The following RMND5A variants were observed in gnomAD, a reference collection of about 807,000 sequenced individuals.
RMND5A encodes E3 ubiquitin-protein transferase RMND5A.
A neutral mutation model predicts 49.7 loss-of-function variants in RMND5A; 17 were observed. The observed-to-expected ratio is 0.34, with a 90% confidence interval of 0.23 to 0.51. RMND5A has a LOEUF of 0.51. Ranked by LOEUF, RMND5A falls within the 20% of genes least tolerant of loss-of-function variation. The pLI, the probability that RMND5A is intolerant of heterozygous loss-of-function variation, is 0.96. For synonymous variants in RMND5A, 156 were observed against 167.7 expected (o/e 0.93, Z 0.54); for missense variants, 255 against 471.3 (o/e 0.54, Z 4.25).
intron 5 of RMND5A, 80 bp from the exon 6 acceptor site, chr2:86,765,779 A>G: frequency 8.2e-7 from 1 of 1,218,294 alleles, no homozygotes; most frequent in Non-Finnish European, 1.2e-6. Context: ...AGGCTGTATC[A>G]GTATGGGTGG....
chr2:86,772,224 C>A lies in RMND5A; in HGVS notation c.1112+512C>A, dbSNP rs190372144. Among the ~76,000 whole-genome samples, 49 of 152,154 alleles carry A rather than the reference C, an allele frequency of 3.2e-4. 1 individual carries two copies. The Middle Eastern group carries it at 0.017, about 53-fold the overall frequency. ...CAGCACTGTGGGAGGCCGAGGCAGG[C>A]GGATCACGAGGTCAGGAGATTGAGA... On this transcript the variant is annotated intron_variant, in intron 8 of 8. Coordinates refer to ENST00000283632, the MANE Select transcript of RMND5A (RefSeq NM_022780.4).
intron 2 of RMND5A, among the ~76,000 whole-genome samples, chr2:86,750,826 A>T (rs1291868164): frequency 1.4e-5 from 2 of 147,884 alleles, no homozygotes; most frequent in Non-Finnish European, 3.0e-5. Flanking sequence ...ATTGATTTTC[A>T]CTGACTTTTT....
At chr2:86,732,415 C>T (rs1681347232) in intron 1 of RMND5A, among the ~76,000 whole-genome samples, 1 of 148,520 alleles carries the variant, frequency 6.7e-6, no homozygotes, top group African/African-American at 2.6e-5. Flanking sequence ...ATATATTTGT[C>T]TAGATTGTAT....
chr2:86,744,122 C>T (rs191206784), intron 2 of RMND5A, among the ~76,000 whole-genome samples: 4 of 152,214 alleles, frequency 2.6e-5, no homozygotes, highest in Admixed American at 6.5e-5. Context: ...ACACTCTCCC[C>T]GTATTTTTGG....
At chr2:86,763,178 T>A (rs1201979381) in intron 4 of RMND5A, among the ~76,000 whole-genome samples, 2 of 119,074 alleles carry the variant, frequency 1.7e-5, no homozygotes, top group Non-Finnish European at 4.0e-5. Flanking sequence ...TTGACTTTTT[T>A]AAAATTAAAA....
At chr2:86,752,500 T>C (rs1216690501) in intron 3 of RMND5A, among the ~76,000 whole-genome samples, 1 of 152,250 alleles carries the variant, frequency 6.6e-6, no homozygotes, top group Non-Finnish European at 1.5e-5. Flanking sequence ...GAGTTAGAAC[T>C]CTACAACAGT....
At chr2:86,772,595 T>C (rs1338884847) in intron 8 of RMND5A, among the ~76,000 whole-genome samples, 2 of 151,394 alleles carry the variant, frequency 1.3e-5, no homozygotes, top group African/African-American at 4.9e-5. Context: ...GTTAGTGAGC[T>C]CAGCTTTTTT....
At position 86,765,963 on chromosome 2, in the gene RMND5A, A is replaced by G. The variant is rs774749239; in HGVS notation, c.793A>G (p.Ile265Val). ...DANQWADICD[I>V]FTRDACALLG... ...AAACCAGTGGGCTGATATCTGTGAC[A>G]TCTTTACACGGGATGCTTGTGCCCT... The change falls in exon 6 of 9, where the codon ATC (isoleucine) becomes GTC (valine). Residue 265 changes from isoleucine to valine, a missense_variant. Coordinates refer to ENST00000283632, the MANE Select transcript of RMND5A (RefSeq NM_022780.4). The G allele has an allele frequency of 3.7e-6, 6 of 1,614,188 alleles. No homozygotes were observed. In the East Asian group the frequency reaches 8.9e-5, roughly 24 times the overall value.
At chr2:86,721,286 C>T (rs1168691233) in intron 1 of RMND5A, among the ~76,000 whole-genome samples, 1 of 151,866 alleles carries the variant, frequency 6.6e-6, no homozygotes, top group Non-Finnish European at 1.5e-5. Flanking sequence ...GAATCCTTGG[C>T]CAGGGGACTT....
intron 4 of RMND5A, among the ~76,000 whole-genome samples, chr2:86,759,963 C>G (rs1413764072): frequency 6.6e-6 from 1 of 152,076 alleles, no homozygotes; most frequent in African/African-American, 2.4e-5. Context: ...TATGTCTTTC[C>G]TCATTATATC....
In RMND5A at chr2:86,771,380, C is replaced by CTAATT; in HGVS notation, c.958-174_958-170dup. On this transcript the variant is annotated intron_variant, in intron 7 of 8. Coordinates refer to ENST00000283632, the MANE Select transcript of RMND5A (RefSeq NM_022780.4). ...GCTTTCTTGAAAATAATCTTGAAGG[C>CTAATT]TAATTTAACACTTTGAATCACTAAG... 8.1e-6 allele frequency: 4 copies of CTAATT among 495,522 alleles called. No individual in the cohort carries two copies. The South Asian group carries it at 2.1e-4, about 26-fold the overall frequency. 30.7% of individuals were successfully genotyped at this position (495,522 alleles called of 1,614,324 possible).
intron 1 of RMND5A, among the ~76,000 whole-genome samples, chr2:86,728,313 CTT>C (rs3051429): frequency 0.057 from 3,408 of 60,130 alleles, 1,059 homozygotes; most frequent in African/African-American, 0.22. Context: ...GTTCTACAAT[CTT>C]TTTTTTTTTT....
rs1364704632 is a variant in RMND5A, at chr2:86,776,442, A to T, written c.*3031A>T. ...TTAACTTCTCTGTAGCAGCTAATGC[A>T]TAGAGACACTAAAACCCACACCACA... On this transcript the variant is annotated 3_prime_UTR_variant, in exon 9 of 9. Coordinates refer to ENST00000283632, the MANE Select transcript of RMND5A (RefSeq NM_022780.4). The T allele has an allele frequency of 6.6e-6, 1 of 152,250 alleles. No individual in the cohort carries two copies. The highest frequency in any genetic ancestry group is 1.5e-5 in the Non-Finnish European group (1 of 68,038). 9.4% of individuals were successfully genotyped at this position (152,250 alleles called of 1,614,324 possible).
Position 86,776,011 on chromosome 2 carries a change from A to G in RMND5A, c.*2600A>G, listed in dbSNP as rs1260168848. 2 of 152,260 alleles carry G rather than the reference A, an allele frequency of 1.3e-5. No homozygotes were observed. Among genetic ancestry groups the G allele is most frequent in the African/African-American group, 2.4e-5 (1 of 41,468 alleles). The allele number at this position is 152,260 out of a possible 1,614,324, so 9.4% of individuals were successfully genotyped here. ...TAGAGGCAACGTTTATAACAGTCAC[A>G]TTTAATTATAATGTACATCAAAGGC... On this transcript the variant is annotated 3_prime_UTR_variant, in exon 9 of 9. Coordinates refer to ENST00000283632, the MANE Select transcript of RMND5A (RefSeq NM_022780.4).
chr2:86,751,089 T>C (rs1399533079), intron 2 of RMND5A, among the ~76,000 whole-genome samples: 1 of 152,198 alleles, frequency 6.6e-6, no homozygotes, highest in Non-Finnish European at 1.5e-5. Context: ...TGCAGTATCT[T>C]GAACATTTTG....
Position 86,773,466 on chromosome 2 carries a change from A to G in RMND5A, c.*55A>G. 8.8e-7 allele frequency: 1 copy of G among 1,138,854 alleles called. No homozygotes were observed. The highest frequency in any genetic ancestry group is 1.3e-6 in the Non-Finnish European group (1 of 748,468). 70.5% of individuals were successfully genotyped at this position (1,138,854 alleles called of 1,614,324 possible). ...TGAAACTGAATCGTGGGTGCATTTC[A>G]GAAGAGAACGTTCCATATAATGCAG... On this transcript the variant is annotated 3_prime_UTR_variant, in exon 9 of 9. Transcript: ENST00000283632.
chr2:86,777,915 G>C lies in RMND5A; in HGVS notation c.*4504G>C, dbSNP rs1422270599. ...CTGATATATTTAATTTATAAATTTC[G>C]GACTGATATAATAGAGTTTTGGAAA... On this transcript the variant is annotated 3_prime_UTR_variant, in exon 9 of 9. Coordinates refer to ENST00000283632, the MANE Select transcript of RMND5A (RefSeq NM_022780.4). 6.6e-6 allele frequency: 1 copy of C among 151,946 alleles called. No individual in the cohort carries two copies. The highest frequency in any genetic ancestry group is 2.1e-4 in the South Asian group (1 of 4,816). 9.4% of individuals were successfully genotyped at this position (151,946 alleles called of 1,614,324 possible). A position where few individuals can be genotyped will look rare whatever the true frequency, so the allele number is the denominator to read the frequency against.
intron 1 of RMND5A, among the ~76,000 whole-genome samples, chr2:86,728,897 C>T (rs6723518): frequency 0.69 from 102,593 of 148,862 alleles, 33,330 homozygotes; most frequent in East Asian, 0.91. Context: ...CGATTACAGG[C>T]GCATGCCACC....
intron 3 of RMND5A, 29 bp downstream of exon 3, chr2:86,752,059 A>T (rs1310222268): frequency 6.2e-7 from 1 of 1,609,196 alleles, no homozygotes; most frequent in Non-Finnish European, 8.5e-7. Flanking sequence ...GGAGGATATG[A>T]AAAAGAAACA....
Sources: allele counts gnomAD v4.1 joint callset (sites outside exome capture counted in the v4.1 genomes callset), GRCh38; gene constraint gnomAD v4.1.1; transcripts MANE v1.5; gene names NCBI Gene and HGNC (gene_info 2026-07-23, HGNC 2026-07-21).